DOK6: variants seen among roughly 807,000 people sequenced by gnomAD.
DOK6 encodes docking protein 6.
A neutral mutation model predicts 44.0 loss-of-function variants in DOK6; 22 were observed. The observed-to-expected ratio is 0.50, with a 90% CI of 0.36 to 0.71. The LOEUF is 0.71. Ranked by LOEUF, DOK6 falls within the 30% of genes least tolerant of loss-of-function variation. The pLI is 0.00. For missense variants in DOK6, 340 were observed against 416.4 expected, an observed-to-expected ratio of 0.82 and a Z score of 1.60; for synonymous variants, 166 against 145.5, an observed-to-expected ratio of 1.14 and a Z score of -1.01.
chr18:69,547,063 G>A (rs1982426254), intron 1 of DOK6, among the ~76,000 whole-genome samples: 1 of 151,430 alleles, frequency 6.6e-6, no homozygotes, highest in South Asian at 2.1e-4. Context: ...GAACAAGAGA[G>A]ATAGTTGGGT....
chr18:69,659,389 C>T (rs1985451459), intron 3 of DOK6, among the ~76,000 whole-genome samples: 1 of 152,248 alleles, frequency 6.6e-6, no homozygotes. Flanking sequence ...AAGAAGGCTA[C>T]ATGCTGTGGT....
At position 69,401,133 on chromosome 18, in the gene DOK6, TGCTGCTGGCGGCGGCCG is replaced by T; in HGVS notation, c.-107_-91del. On this transcript the variant is annotated 5_prime_UTR_variant, in exon 1 of 8. Transcript: ENST00000382713. ...CTCGGGGAAGAGCGGGCGGCGGCGCTGCTGCTGGCGGCGGCCGGCTGGATGCGAGACCCGCGCAGACC... is the reference window on the plus strand; with the variant it reads ...CTCGGGGAAGAGCGGGCGGCGGCGCTGCTGGATGCGAGACCCGCGCAGACC... The T allele has an allele frequency of 1.8e-6, 2 of 1,138,428 alleles. No homozygotes were observed. The highest frequency in any genetic ancestry group is 2.3e-6 in the Non-Finnish European group (2 of 871,330). The allele number at this position is 1,138,428 out of a possible 1,614,324, so 70.5% of individuals were successfully genotyped here.
intron 1 of DOK6, among the ~76,000 whole-genome samples, chr18:69,498,875 C>T (rs981360237): frequency 2.6e-5 from 4 of 151,954 alleles, no homozygotes; most frequent in South Asian, 2.1e-4. Context: ...CAAATTTTCC[C>T]GTGTATCAGG....
intron 7 of DOK6, among the ~76,000 whole-genome samples, chr18:69,768,636 G>A (rs9953345): frequency 6.8e-6 from 1 of 147,880 alleles, no homozygotes; most frequent in South Asian, 2.2e-4. Context: ...GAATACGGCA[G>A]AGACTTGATA....
intron 5 of DOK6, among the ~76,000 whole-genome samples, chr18:69,708,117 T>C (rs1302623473): frequency 6.6e-6 from 1 of 152,322 alleles, no homozygotes; most frequent in Non-Finnish European, 1.5e-5. Flanking sequence ...CTATGTCATG[T>C]CAAAAAATAA....
intron 7 of DOK6, among the ~76,000 whole-genome samples, chr18:69,822,838 T>G (rs1466348063): frequency 6.6e-6 from 1 of 152,222 alleles, no homozygotes; most frequent in Non-Finnish European, 1.5e-5. Flanking sequence ...TTGGGACCAG[T>G]GTGTTATAAT....
At chr18:69,694,165 C>T (rs1341863379) in intron 4 of DOK6, among the ~76,000 whole-genome samples, 2 of 151,670 alleles carry the variant, frequency 1.3e-5, no homozygotes, top group Admixed American at 6.6e-5. Context: ...CATTCAGTCC[C>T]CTCTCGTTCC....
chr18:69,687,037 G>A (rs1986169048), intron 4 of DOK6, among the ~76,000 whole-genome samples: 1 of 151,970 alleles, frequency 6.6e-6, no homozygotes. Flanking sequence ...AAAAACAGAG[G>A]AGGAAATATC....
At chr18:69,623,446 C>T (rs1320311746) in intron 3 of DOK6, among the ~76,000 whole-genome samples, 1 of 152,080 alleles carries the variant, frequency 6.6e-6, no homozygotes, top group Non-Finnish European at 1.5e-5. Context: ...TAAAAATTAA[C>T]AAAGAAGGTA....
At chr18:69,710,848 G>T (rs537029839) in intron 5 of DOK6, among the ~76,000 whole-genome samples, 1 of 152,214 alleles carries the variant, frequency 6.6e-6, no homozygotes. Context: ...TGACTTAGAT[G>T]AAATAGGTAG....
chr18:69,553,794 T>C (rs1982622409), intron 1 of DOK6, among the ~76,000 whole-genome samples: 2 of 152,222 alleles, frequency 1.3e-5, no homozygotes, highest in Non-Finnish European at 2.9e-5. Flanking sequence ...CTAAAGATGT[T>C]GGGGCTCCTT....
chr18:69,752,215 A>G (rs1218271522), intron 6 of DOK6, among the ~76,000 whole-genome samples: 2 of 152,182 alleles, frequency 1.3e-5, no homozygotes, highest in Non-Finnish European at 2.9e-5. Flanking sequence ...ACCCAAATAT[A>G]TAAATTCAAC....
intron 7 of DOK6, among the ~76,000 whole-genome samples, chr18:69,770,518 C>T (rs979069712): frequency 2.6e-5 from 4 of 152,044 alleles, no homozygotes; most frequent in African/African-American, 9.7e-5. Context: ...ATGAGACAAC[C>T]CAGATGGAAG....
chr18:69,413,664 C>T (rs1175159600), intron 1 of DOK6, among the ~76,000 whole-genome samples: 1 of 151,788 alleles, frequency 6.6e-6, no homozygotes, highest in Non-Finnish European at 1.5e-5. Context: ...TTTGGAAAAA[C>T]ATTAGAAGAA....
At chr18:69,456,272 C>T (rs12606605) in intron 1 of DOK6, among the ~76,000 whole-genome samples, 11,358 of 152,042 alleles carry the variant, frequency 0.075, 450 homozygotes, top group Middle Eastern at 0.18. Flanking sequence ...TGGTAGTGAG[C>T]ATAGTACCCA....
intron 7 of DOK6, among the ~76,000 whole-genome samples, chr18:69,820,033 G>A (rs928278622): frequency 6.6e-6 from 1 of 152,158 alleles, no homozygotes. Context: ...AGGTTAGACA[G>A]GCTTGTTTTA....
chr18:69,690,710 A>T (rs1416257393), intron 4 of DOK6, among the ~76,000 whole-genome samples: 2 of 152,184 alleles, frequency 1.3e-5, no homozygotes, highest in Non-Finnish European at 2.9e-5. Context: ...TTCATATGAA[A>T]CTCAATAATA....
chr18:69,779,509 G>A (rs1980188844), intron 7 of DOK6, among the ~76,000 whole-genome samples: 1 of 151,790 alleles, frequency 6.6e-6, no homozygotes. Context: ...AAATGTCAGT[G>A]TTGTTATGCT....
intron 5 of DOK6, among the ~76,000 whole-genome samples, chr18:69,735,399 C>T (rs554688522): frequency 2.6e-5 from 4 of 152,354 alleles, no homozygotes; most frequent in African/African-American, 9.6e-5. Flanking sequence ...ACACATTATG[C>T]TCACAGTTTG....
Sources: allele counts gnomAD v4.1 joint callset (sites outside exome capture counted in the v4.1 genomes callset), GRCh38; gene constraint gnomAD v4.1.1; transcripts MANE v1.5; gene names NCBI Gene and HGNC (gene_info 2026-07-23, HGNC 2026-07-21).